Variants in ITGA6 observed in about 807,000 individuals in gnomAD.
ITGA6 encodes integrin alpha-6.
ITGA6 carries 63 observed loss-of-function variants against 133.6 expected under a neutral mutation model. That is an observed-to-expected ratio of 0.47 (90% CI 0.38 to 0.58). The LOEUF (loss-of-function observed/expected upper bound fraction) is 0.58, where lower values mean the gene tolerates loss of function less well. Ranked by LOEUF, ITGA6 falls within the 20% of genes least tolerant of loss-of-function variation. The probability of loss-of-function intolerance (pLI) is 0.00; values close to 1 mark genes in which losing one functional copy is unlikely to be tolerated. For missense variants in ITGA6, 1,068 were observed against 1,309.4 expected (o/e 0.82, Z 2.85); for synonymous variants, 434 against 482.0 (o/e 0.90, Z 1.30).
At chr2:172,472,897 G>T in intron 5 of ITGA6, 1 of 1,502,314 alleles carries the variant, frequency 6.7e-7, no homozygotes, top group South Asian at 1.1e-5. Flanking sequence ...CTAGGTTTGT[G>T]ACCTCTGCGA....
At position 172,466,926 on chromosome 2, in the gene ITGA6, T is replaced by C. The variant is rs569969601; in HGVS notation, c.308-555T>C. On this transcript the variant is annotated intron_variant, in intron 2 of 25. Transcript: ENST00000684293. ...CCTGGTGGTGTTTGTGGTCCCCGTC[T>C]CTCTGACTAACAGTAACTCTCCTGT... Among the ~76,000 whole-genome samples, 6 of 152,334 alleles carry C rather than the reference T, an allele frequency of 3.9e-5. No homozygotes were observed. The East Asian group carries it at 1.2e-3, about 29-fold the overall frequency.
chr2:172,472,074 C>T (rs1209787267), intron 5 of ITGA6, among the ~76,000 whole-genome samples: 1 of 152,220 alleles, frequency 6.6e-6, no homozygotes, highest in South Asian at 2.1e-4. Flanking sequence ...ATAATCCCAA[C>T]ACTTCGGGAG....
rs1421623791 is a variant in ITGA6 at position 172,489,535 on chromosome 2, C to A, written c.2556C>A (p.Asn852Lys). The A allele has an allele frequency of 6.2e-7, 1 of 1,613,846 alleles. No individual in the cohort carries two copies. Among genetic ancestry groups the A allele is most frequent in the Non-Finnish European group, 8.5e-7 (1 of 1,179,878 alleles). ...PLTNLGTATL[N>K]IQWPKEISNG... The stretch of plus-strand genomic sequence containing the variant: ...CAAACCTCGGCACAGCAACCTTGAA[C>A]ATTCAGTGGCCAAAAGAAATTAGCA... The change falls in exon 20 of 26, where the codon AAC (asparagine) becomes AAA (lysine). Residue 852 changes from asparagine (N) to lysine (K), a missense_variant. Around this residue, in one of 3 missense-constraint regions of ITGA6, gnomAD observed 609 missense variants for 707.2 expected, o/e 0.86. Transcript: ENST00000684293.
intron 20 of ITGA6, 137 bp downstream of exon 20, chr2:172,489,795 CTT>C: frequency 1.2e-6 from 1 of 839,344 alleles, no homozygotes; most frequent in Non-Finnish European, 1.9e-6. Context: ...CACAATTTCT[CTT>C]TTCTAGTTGG....
intron 9 of ITGA6, among the ~76,000 whole-genome samples, chr2:172,479,051 G>C (rs1686304604): frequency 1.3e-5 from 2 of 152,194 alleles, no homozygotes; most frequent in Non-Finnish European, 2.9e-5. Flanking sequence ...ATAAACTCAA[G>C]TGTGTGCACA....
At position 172,437,267 on chromosome 2, in the gene ITGA6, T is replaced by TG. The variant is rs371567058; in HGVS notation, c.182+9298dup. 1.6e-4 allele frequency among the ~76,000 whole-genome samples: 24 copies of TG among 152,344 alleles called. No individual in the cohort carries two copies. The East Asian group carries it at 4.0e-3, about 26-fold the overall frequency. ...CCTGCAGCCTTGAGAGTAGACTGTA[T>TG]GAGGACAAAGATAGAAGTAATGATA... On this transcript the variant is annotated intron_variant, in intron 1 of 25. Transcript: ENST00000684293.
intron 1 of ITGA6, among the ~76,000 whole-genome samples, chr2:172,429,960 A>G (rs1289177491): frequency 6.6e-6 from 1 of 152,212 alleles, no homozygotes; most frequent in African/African-American, 2.4e-5. Flanking sequence ...TTTGACAGTA[A>G]AGAATGTGGG....
intron 1 of ITGA6, among the ~76,000 whole-genome samples, chr2:172,444,210 A>G (rs913357599): frequency 2.2e-4 from 33 of 152,180 alleles, no homozygotes; most frequent in African/African-American, 8.0e-4. Context: ...CTTCCTTGAT[A>G]TCTCTAATTA....
chr2:172,452,630 C>A (rs1685053238), intron 1 of ITGA6, among the ~76,000 whole-genome samples: 1 of 152,286 alleles, frequency 6.6e-6, no homozygotes, highest in African/African-American at 2.4e-5. Context: ...AAACCAGTTA[C>A]CAACATTCAA....
intron 1 of ITGA6, among the ~76,000 whole-genome samples, chr2:172,448,110 G>C (rs909674408): frequency 6.6e-6 from 1 of 152,148 alleles, no homozygotes; most frequent in African/African-American, 2.4e-5. Context: ...AGGCAGGAAA[G>C]AAGGCATCTT....
chr2:172,464,944 G>GAA (rs66475010), intron 1 of ITGA6, among the ~76,000 whole-genome samples: 17 of 147,746 alleles, frequency 1.2e-4, no homozygotes, highest in East Asian at 3.9e-4. Flanking sequence ...AAACTGGAGG[G>GAA]AAAAAAAAAA....
chr2:172,483,999 C>G (rs1159332198), intron 11 of ITGA6, among the ~76,000 whole-genome samples: 2 of 152,094 alleles, frequency 1.3e-5, no homozygotes, highest in South Asian at 4.1e-4. Flanking sequence ...TTAGTAGAGA[C>G]AGGATTTCAC....
At chr2:172,501,541 C>T (rs1298173376) in intron 24 of ITGA6, among the ~76,000 whole-genome samples, 1 of 152,140 alleles carries the variant, frequency 6.6e-6, no homozygotes, top group Non-Finnish European at 1.5e-5. Flanking sequence ...AGAGAAAAAT[C>T]AATGAGCTGA....
intron 17 of ITGA6, 29 bp from the exon 18 acceptor site, chr2:172,487,932 C>T: frequency 6.3e-7 from 1 of 1,597,688 alleles, no homozygotes; most frequent in Non-Finnish European, 8.6e-7. Flanking sequence ...TGGTAAAATA[C>T]AACCCTATTG....
rs62167770 is a variant in ITGA6 at position 172,454,357 on chromosome 2, A to G, written c.183-11182A>G. Among the ~76,000 whole-genome samples the G allele has an allele frequency of 2.0e-3, 297 of 152,136 alleles. 1 individual carries two copies. The highest frequency in any genetic ancestry group is 0.014 in the Middle Eastern group (4 of 292). ...TCGGGGAAGGTTTTTAAGCAGAGAC[A>G]TGAAGGGGTGAGTAGGAGGATGCCT... On this transcript the variant is annotated intron_variant, in intron 1 of 25. Transcript: ENST00000684293.
At chr2:172,485,034 C>G in intron 12 of ITGA6, 87 bp from the exon 13 acceptor site, 1 of 1,591,310 alleles carries the variant, frequency 6.3e-7, no homozygotes. Flanking sequence ...ATTCTGGCAA[C>G]CTCTTAATCA....
Position 172,469,271 on chromosome 2 carries a change from A to G in ITGA6, c.534A>G (p.Arg178=). The change falls in exon 4 of 26, where the codon CGA becomes CGG. Residue 178 remains arginine (R), a synonymous_variant. Coordinates refer to ENST00000684293, the MANE Select transcript of ITGA6 (RefSeq NM_000210.4). The stretch of plus-strand genomic sequence containing the variant: ...GAGATTGGAGCTTTTGTGATGGGCG[A>G]TTGAGAGGCCATGAGAAATTTGGCT... ...DGGDWSFCDG[R]LRGHEKFGSC... 1 of 1,614,146 alleles carries G rather than the reference A, an allele frequency of 6.2e-7. No individual in the cohort carries two copies. The highest frequency in any genetic ancestry group is 8.5e-7 in the Non-Finnish European group (1 of 1,180,004).
At chr2:172,443,163 A>G (rs1160469478) in intron 1 of ITGA6, among the ~76,000 whole-genome samples, 1 of 151,938 alleles carries the variant, frequency 6.6e-6, no homozygotes, top group Non-Finnish European at 1.5e-5. Flanking sequence ...ATGTACATAG[A>G]TTTTTTTTAC....
chr2:172,466,436 A>T (rs2149037508), intron 2 of ITGA6, among the ~76,000 whole-genome samples: 1 of 152,298 alleles, frequency 6.6e-6, no homozygotes, highest in East Asian at 1.9e-4. Flanking sequence ...CCTGGCCAAC[A>T]TGGTGAAACC....
Sources: allele counts gnomAD v4.1 joint callset (sites outside exome capture counted in the v4.1 genomes callset), GRCh38; gene constraint gnomAD v4.1.1; regional missense constraint gnomAD v4.1.1; transcripts MANE v1.5; gene names NCBI Gene and HGNC (gene_info 2026-07-23, HGNC 2026-07-21).